The following NRXN1 variants were observed in gnomAD, a reference collection of about 807,000 sequenced individuals.
NRXN1 encodes neurexin 1.
Under a neutral mutation model 150.9 loss-of-function variants are expected in NRXN1, and 39 were observed. The observed-to-expected ratio is 0.26, with a 90% CI of 0.20 to 0.34. The LOEUF (loss-of-function observed/expected upper bound fraction) is 0.34, where lower values mean the gene tolerates loss of function less well. Among genes scored for constraint, NRXN1 ranks in the 10% least tolerant of loss-of-function variants. The pLI, the probability that NRXN1 is intolerant of heterozygous loss-of-function variation, is 1.00. For missense variants in NRXN1, 1,815 were observed against 1,949.9 expected, an observed-to-expected ratio of 0.93 and a Z score of 1.30; for synonymous variants, 924 against 757.0, an observed-to-expected ratio of 1.22 and a Z score of -3.62.
At chr2:50,501,083 T>C (rs2091915017) in intron 13 of NRXN1, among the ~76,000 whole-genome samples, 2 of 152,132 alleles carry the variant, frequency 1.3e-5, no homozygotes, top group Non-Finnish European at 1.5e-5. Flanking sequence ...TGTTGGTAAA[T>C]GTGAAATGGA....
chr2:50,291,628 G>A (rs957261981), intron 17 of NRXN1, among the ~76,000 whole-genome samples: 9 of 152,124 alleles, frequency 5.9e-5, no homozygotes, highest in South Asian at 2.1e-4. Context: ...CCCGAAGCCT[G>A]CCGAATTTTC....
intron 17 of NRXN1, among the ~76,000 whole-genome samples, chr2:50,372,111 C>T (rs1287687062): frequency 2.6e-5 from 4 of 152,038 alleles, no homozygotes; most frequent in Admixed American, 1.3e-4. Context: ...ATTTCTTCTT[C>T]GGTCATAAGA....
intron 21 of NRXN1, among the ~76,000 whole-genome samples, chr2:49,967,645 G>A (rs1677188276): frequency 6.6e-6 from 1 of 152,054 alleles, no homozygotes; most frequent in Admixed American, 6.6e-5. Context: ...GTACTGCAAA[G>A]AGTAGATGCA....
chr2:50,472,548 C>G (rs1178282334), intron 15 of NRXN1, 77 bp from the exon 16 acceptor site: 2 of 1,135,960 alleles, frequency 1.8e-6, no homozygotes, highest in Non-Finnish European at 2.5e-6. Flanking sequence ...GGAGAAAAAA[C>G]AGGGAGGTTT....
intron 5 of NRXN1, among the ~76,000 whole-genome samples, chr2:50,805,233 G>A (rs1667358318): frequency 6.6e-6 from 1 of 151,960 alleles, no homozygotes; most frequent in South Asian, 2.1e-4. Context: ...AAAAAAAAAA[G>A]TATTGGGATT....
intron 5 of NRXN1, among the ~76,000 whole-genome samples, chr2:50,678,610 C>T (rs1689887677): frequency 6.6e-6 from 1 of 152,146 alleles, no homozygotes; most frequent in African/African-American, 2.4e-5. Flanking sequence ...TTTAATGACT[C>T]ATTAACCCTT....
chr2:50,266,978 T>C (rs993801182), intron 17 of NRXN1, among the ~76,000 whole-genome samples: 5 of 152,180 alleles, frequency 3.3e-5, no homozygotes, highest in Non-Finnish European at 5.9e-5. Flanking sequence ...CATAGCTACC[T>C]AGGGAATTAA....
At chr2:50,112,523 C>T (rs1350654087) in intron 18 of NRXN1, among the ~76,000 whole-genome samples, 1 of 152,236 alleles carries the variant, frequency 6.6e-6, no homozygotes, top group Non-Finnish European at 1.5e-5. Context: ...TTCTCGCTCT[C>T]TCTCACTCAA....
At chr2:50,560,865 T>C (rs956525911) in intron 8 of NRXN1, among the ~76,000 whole-genome samples, 3 of 152,138 alleles carry the variant, frequency 2.0e-5, no homozygotes, top group Admixed American at 1.3e-4. Context: ...TTCAATAAAA[T>C]ATGTTATCTT....
chr2:50,013,373 G>C (rs1363052), intron 21 of NRXN1, among the ~76,000 whole-genome samples: 2 of 151,186 alleles, frequency 1.3e-5, no homozygotes, highest in Non-Finnish European at 2.9e-5. Flanking sequence ...TACTGGCTTC[G>C]TAAACTCCCA....
chr2:50,508,446 T>C (rs1199781900), intron 12 of NRXN1, among the ~76,000 whole-genome samples: 1 of 151,958 alleles, frequency 6.6e-6, no homozygotes, highest in Non-Finnish European at 1.5e-5. Flanking sequence ...AATTCAATAG[T>C]GAAGAAAGAA....
intron 2 of NRXN1, among the ~76,000 whole-genome samples, chr2:51,016,724 T>G (rs1040925417): frequency 3.9e-5 from 6 of 152,072 alleles, no homozygotes; most frequent in African/African-American, 7.2e-5. Context: ...GAAACAGAGG[T>G]ACCATTTGAC....
At chr2:50,798,162 T>C (rs1383866224) in intron 5 of NRXN1, among the ~76,000 whole-genome samples, 1 of 152,154 alleles carries the variant, frequency 6.6e-6, no homozygotes, top group East Asian at 1.9e-4. Flanking sequence ...GGGGAAATTC[T>C]AGTTATATAT....
chr2:49,959,242 G>A (rs1203544284), intron 21 of NRXN1, among the ~76,000 whole-genome samples: 1 of 152,130 alleles, frequency 6.6e-6, no homozygotes, highest in African/African-American at 2.4e-5. Flanking sequence ...GAGTTGGCTG[G>A]GAGGGAGGGA....
rs145106689 is a variant in NRXN1, at chr2:50,537,127, G to T, written c.2143+1126C>A. 1.0e-3 allele frequency among the ~76,000 whole-genome samples: 152 copies of T among 152,080 alleles called. 2 individuals are homozygous for T. The East Asian group carries it at 0.029, about 29-fold the overall frequency. On this transcript the variant is annotated intron_variant, in intron 10 of 22. Transcript: ENST00000401669. ...AACCAAAATCAGGTTTCAATTTTGG[G>T]TTTCACAAAACAACCCCTCTTTTTC...
In NRXN1 at chr2:50,224,508, G is replaced by T. The variant is rs1309825750; in HGVS notation, c.3546+12281C>A. Among the ~76,000 whole-genome samples the T allele has an allele frequency of 2.0e-5, 3 of 151,902 alleles. No homozygotes were observed. In the Admixed American group the frequency reaches 2.0e-4, roughly 10 times the overall value. ...CTAAGCCAAATAATAGGGTAAGCATGATTTCAGAGGGGGAATTTAACCCTA... is the reference window on the plus strand; with the variant it reads ...CTAAGCCAAATAATAGGGTAAGCATTATTTCAGAGGGGGAATTTAACCCTA... On this transcript the variant is annotated intron_variant, in intron 18 of 22. Transcript: ENST00000401669.
At chr2:50,313,213 G>C (rs906324369) in intron 17 of NRXN1, among the ~76,000 whole-genome samples, 2 of 151,876 alleles carry the variant, frequency 1.3e-5, no homozygotes, top group African/African-American at 4.8e-5. Flanking sequence ...AATCAAGGAT[G>C]GTGAATAACT....
rs779434888 is a variant in NRXN1 at position 49,943,675 on chromosome 2, CAAGG to C, written c.4216+25_4216+28del. The stretch of plus-strand genomic sequence containing the variant: ...ATGCAACAAAGATTTACAGTAAAGC[CAAGG>C]AAGTAAGAAAAAAAGTTGACTAACC... On this transcript the variant is annotated intron_variant, in intron 22 of 22. Coordinates refer to ENST00000401669, the MANE Select transcript of NRXN1 (RefSeq NM_001330078.2). 7 of 1,493,576 alleles carry C rather than the reference CAAGG, an allele frequency of 4.7e-6. No individual in the cohort carries two copies. In the Admixed American group the frequency reaches 8.5e-5, roughly 18 times the overall value. 92.5% of individuals were successfully genotyped at this position (1,493,576 alleles called of 1,614,324 possible). A position where few individuals can be genotyped will look rare whatever the true frequency, so the allele number is the denominator to read the frequency against.
At position 51,027,949 on chromosome 2, in the gene NRXN1, C is replaced by G. The variant is rs779979011; in HGVS notation, c.325G>C (p.Val109Leu). 1.2e-5 allele frequency: 19 copies of G among 1,603,356 alleles called. No homozygotes were observed. Among genetic ancestry groups the G allele is most frequent in the East Asian group, 2.2e-5 (1 of 44,838 alleles). ...EPATLLADTP[V>L]NDGAWHSVRI... ...ACGCTGTGCCAGGCGCCGTCGTTAA[C>G]CGGCGTGTCGGCCAGGAGCGTCGCA... The change falls in exon 2 of 23, where the codon GTT becomes CTT. Residue 109 changes from valine (V) to leucine (L), a missense_variant. Val to Leu is a conservative substitution (Grantham distance 32, BLOSUM62 1). Transcript: ENST00000401669.
Sources: allele counts gnomAD v4.1 joint callset (sites outside exome capture counted in the v4.1 genomes callset), GRCh38; gene constraint gnomAD v4.1.1; transcripts MANE v1.5; gene names NCBI Gene and HGNC (gene_info 2026-07-23, HGNC 2026-07-21).